ADGRB3: variants seen among roughly 807,000 people sequenced by gnomAD.
ADGRB3 encodes the protein adhesion G protein-coupled receptor B3.
A neutral mutation model predicts 193.4 loss-of-function variants in ADGRB3; 37 were observed. The observed-to-expected ratio is 0.19, with a 90% CI of 0.15 to 0.25. The LOEUF (loss-of-function observed/expected upper bound fraction) is 0.25, where lower values mean the gene tolerates loss of function less well. Ranked by LOEUF, ADGRB3 falls within the 10% of genes least tolerant of loss-of-function variation. The probability of loss-of-function intolerance (pLI) is 1.00; values close to 1 mark genes in which losing one functional copy is unlikely to be tolerated. For missense variants in ADGRB3, 1,637 were observed against 1,852.9 expected, an observed-to-expected ratio of 0.88 and a Z score of 2.14; for synonymous variants, 690 against 644.2, an observed-to-expected ratio of 1.07 and a Z score of -1.08.
rs1358686042 is a variant in ADGRB3, at chr6:69,011,493, G to A, written c.1930-2545G>A. 2.0e-5 allele frequency among the ~76,000 whole-genome samples: 3 copies of A among 151,760 alleles called. No homozygotes were observed. In the East Asian group the frequency reaches 5.8e-4, roughly 29 times the overall value. On this transcript the variant is annotated intron_variant, in intron 11 of 31. Transcript: ENST00000370598. ...ACTAATAGAGTGGGGAGGGAGGGAA[G>A]GAGAGGGGAAGGAGCTACAAACCTA...
chr6:69,294,759 TG>T (rs1582611700), intron 20 of ADGRB3, among the ~76,000 whole-genome samples: 1 of 152,164 alleles, frequency 6.6e-6, no homozygotes, highest in Admixed American at 6.6e-5. Flanking sequence ...AATTCCTAGT[TG>T]TTTTTTTTGT....
chr6:69,321,563 G>A (rs560429939), intron 20 of ADGRB3, among the ~76,000 whole-genome samples: 2 of 151,702 alleles, frequency 1.3e-5, no homozygotes, highest in Non-Finnish European at 3.0e-5. Context: ...AGGAGATTCA[G>A]GATTTGAGGC....
intron 17 of ADGRB3, among the ~76,000 whole-genome samples, chr6:69,095,764 C>T (rs1335201805): frequency 1.3e-5 from 2 of 152,102 alleles, no homozygotes; most frequent in Non-Finnish European, 2.9e-5. Flanking sequence ...AAATGTATTG[C>T]TTCAATATCA....
intron 3 of ADGRB3, among the ~76,000 whole-genome samples, chr6:68,896,450 T>C (rs1162477950): frequency 6.6e-6 from 1 of 152,152 alleles, no homozygotes; most frequent in East Asian, 1.9e-4. Context: ...TTTTCAAAAG[T>C]GGCTACTTTA....
At chr6:68,894,728 GAAATTT>G (rs1766172343) in intron 3 of ADGRB3, among the ~76,000 whole-genome samples, 2 of 151,932 alleles carry the variant, frequency 1.3e-5, no homozygotes, top group African/African-American at 2.4e-5. Context: ...TCTGATCTCA[GAAATTT>G]AAATGAGTCT....
chr6:69,369,587 A>T (rs1769662697), intron 29 of ADGRB3, among the ~76,000 whole-genome samples: 1 of 151,898 alleles, frequency 6.6e-6, no homozygotes, highest in Non-Finnish European at 1.5e-5. Flanking sequence ...AGCCCCAGCT[A>T]CTAGGAGGGC....
At chr6:68,709,057 A>G (rs1765369997) in intron 3 of ADGRB3, among the ~76,000 whole-genome samples, 1 of 152,196 alleles carries the variant, frequency 6.6e-6, no homozygotes. Flanking sequence ...TTAAAGCTCA[A>G]TGCTCTGGAC....
At chr6:68,660,607 G>A (rs1237339027) in intron 3 of ADGRB3, among the ~76,000 whole-genome samples, 1 of 150,658 alleles carries the variant, frequency 6.6e-6, no homozygotes, top group Non-Finnish European at 1.5e-5. Flanking sequence ...GTATATTGTA[G>A]GCTTATTTAA....
chr6:68,682,695 A>G (rs1764916249), intron 3 of ADGRB3, among the ~76,000 whole-genome samples: 1 of 152,198 alleles, frequency 6.6e-6, no homozygotes, highest in Non-Finnish European at 1.5e-5. Context: ...CACAATTAAA[A>G]ATTTTGTATA....
intron 17 of ADGRB3, among the ~76,000 whole-genome samples, chr6:69,232,191 G>A (rs1374128734): frequency 2.0e-5 from 3 of 152,164 alleles, no homozygotes; most frequent in African/African-American, 7.2e-5. Flanking sequence ...CATGCCTGGG[G>A]GAGGGGAGGT....
intron 30 of ADGRB3, among the ~76,000 whole-genome samples, chr6:69,373,800 C>T (rs1471221912): frequency 1.3e-5 from 2 of 151,854 alleles, no homozygotes; most frequent in African/African-American, 4.8e-5. Flanking sequence ...AAGGAATTAA[C>T]CCACTAGGCA....
At position 69,016,240 on chromosome 6, in the gene ADGRB3, C is replaced by T. The variant is rs527780023; in HGVS notation, c.1998+2134C>T. Among the ~76,000 whole-genome samples the T allele has an allele frequency of 7.2e-4, 109 of 151,992 alleles. 1 individual carries two copies. The highest frequency in any genetic ancestry group is 2.5e-3 in the African/African-American group (103 of 41,504). On this transcript the variant is annotated intron_variant, in intron 12 of 31. Transcript: ENST00000370598. ...TAACCTGCTCTATAGCATTTGACTA[C>T]ACTTGGAGAAATATAATTAAAAACA...
chr6:68,761,682 T>C (rs1766396318), intron 3 of ADGRB3, among the ~76,000 whole-genome samples: 1 of 151,582 alleles, frequency 6.6e-6, no homozygotes, highest in Non-Finnish European at 1.5e-5. Context: ...TTTCTTTAGA[T>C]TCTGCTTTTT....
At chr6:69,017,265 A>G (rs1770120603) in intron 12 of ADGRB3, among the ~76,000 whole-genome samples, 1 of 151,918 alleles carries the variant, frequency 6.6e-6, no homozygotes, top group Admixed American at 6.6e-5. Flanking sequence ...CTCTGACTAT[A>G]TGCTTTTCTA....
chr6:68,967,668 C>G (rs951177567), intron 8 of ADGRB3, among the ~76,000 whole-genome samples: 2 of 151,392 alleles, frequency 1.3e-5, no homozygotes, highest in Non-Finnish European at 2.9e-5. Flanking sequence ...TCATTCTCTG[C>G]GATCTTAAGA....
intron 20 of ADGRB3, among the ~76,000 whole-genome samples, chr6:69,242,612 A>T (rs547480340): frequency 1.7e-4 from 26 of 152,092 alleles, no homozygotes; most frequent in Non-Finnish European, 3.4e-4. Context: ...TGAAATGTAA[A>T]CAAGCTGAAA....
chr6:69,242,116 T>C (rs1766397003), intron 20 of ADGRB3, among the ~76,000 whole-genome samples: 1 of 151,890 alleles, frequency 6.6e-6, no homozygotes, highest in African/African-American at 2.4e-5. Context: ...GAATTTGGTA[T>C]GTGAAAGGCT....
intron 6 of ADGRB3, among the ~76,000 whole-genome samples, chr6:68,955,401 A>T (rs1474048221): frequency 6.6e-6 from 1 of 152,212 alleles, no homozygotes; most frequent in Non-Finnish European, 1.5e-5. Flanking sequence ...CTCAGTATTT[A>T]GTTTGTTCAC....
intron 12 of ADGRB3, 101 bp from the exon 13 acceptor site, chr6:69,018,290 A>G (rs16900417): frequency 3.0e-6 from 2 of 667,246 alleles, no homozygotes; most frequent in African/African-American, 3.6e-5. Flanking sequence ...GAAGTGAAAC[A>G]AAGCTCATTT....
Sources: allele counts gnomAD v4.1 joint callset (sites outside exome capture counted in the v4.1 genomes callset), GRCh38; gene constraint gnomAD v4.1.1; transcripts MANE v1.5; gene names NCBI Gene and HGNC (gene_info 2026-07-23, HGNC 2026-07-21).